NEK10: variants seen among roughly 807,000 people sequenced by gnomAD.
The protein encoded by NEK10 is NIMA related kinase 10.
In NEK10, 122 loss-of-function variants were observed where a neutral mutation model predicts 159.8. The observed-to-expected ratio is 0.76, with a 90% CI of 0.66 to 0.89. The LOEUF (loss-of-function observed/expected upper bound fraction) is 0.89, where lower values mean the gene tolerates loss of function less well. NEK10 is among the 40% of genes least tolerant of loss of function. NEK10 has a pLI of 0.00. For missense variants in NEK10, 1,342 were observed against 1,323.1 expected (o/e 1.01, Z -0.22); for synonymous variants, 466 against 457.1 (o/e 1.02, Z -0.25).
chr3:27,257,794 T>TC (rs1317251732), intron 22 of NEK10, among the ~76,000 whole-genome samples: 1 of 104,764 alleles, frequency 9.5e-6, no homozygotes, highest in African/African-American at 3.1e-5. Flanking sequence ...TTTTCTTTTT[T>TC]TTTTTTTTTT....
intron 22 of NEK10, among the ~76,000 whole-genome samples, chr3:27,262,034 T>G (rs1404555384): frequency 6.6e-6 from 1 of 152,182 alleles, no homozygotes; most frequent in Non-Finnish European, 1.5e-5. Flanking sequence ...TATCAGAGAC[T>G]AGGATTGCAA....
chr3:27,192,389 C>A (rs1949197160), intron 25 of NEK10, 147 bp from the exon 26 acceptor site: 1 of 639,072 alleles, frequency 1.6e-6, no homozygotes, highest in South Asian at 1.9e-5. Context: ...TCAAGCACAG[C>A]TTTGAGTCCA....
intron 26 of NEK10, among the ~76,000 whole-genome samples, chr3:27,180,491 G>A (rs1947972487): frequency 6.6e-6 from 1 of 152,024 alleles, no homozygotes; most frequent in Non-Finnish European, 1.5e-5. Flanking sequence ...GAACAATCAA[G>A]TGGGCAAGTT....
intron 1 of NEK10, among the ~76,000 whole-genome samples, chr3:27,353,887 C>A (rs751378244): frequency 2.6e-5 from 4 of 151,988 alleles, no homozygotes; most frequent in African/African-American, 7.3e-5. Context: ...GATTTAGCAT[C>A]TATTTTTACT....
At chr3:27,141,451 T>C (rs2125579568) in intron 31 of NEK10, 31 bp downstream of exon 31, 1 of 1,508,512 alleles carries the variant, frequency 6.6e-7, no homozygotes, top group Non-Finnish European at 9.1e-7. Flanking sequence ...GCATTTAAGA[T>C]GAAAAGGAAA....
chr3:27,184,215 G>T (rs1049265568), intron 26 of NEK10, among the ~76,000 whole-genome samples: 1 of 152,090 alleles, frequency 6.6e-6, no homozygotes, highest in Non-Finnish European at 1.5e-5. Context: ...ACAAATTACG[G>T]TGTAGTCATA....
chr3:27,182,299 C>T (rs1208592409), intron 26 of NEK10, among the ~76,000 whole-genome samples: 2 of 152,060 alleles, frequency 1.3e-5, no homozygotes, highest in Non-Finnish European at 2.9e-5. Flanking sequence ...AGCCATTCCA[C>T]AATGTATATA....
At chr3:27,176,634 C>G (rs200808538) in intron 26 of NEK10, among the ~76,000 whole-genome samples, 43 of 152,324 alleles carry the variant, frequency 2.8e-4, no homozygotes, top group South Asian at 1.2e-3. Flanking sequence ...CCTTCTTCCT[C>G]TAACTATCCT....
intron 32 of NEK10, among the ~76,000 whole-genome samples, chr3:27,130,049 T>C (rs1942429572): frequency 6.6e-6 from 1 of 152,126 alleles, no homozygotes; most frequent in Non-Finnish European, 1.5e-5. Context: ...CATGGGGAGA[T>C]GGCGCAAGCC....
At chr3:27,203,834 G>T (rs1270398504) in intron 23 of NEK10, among the ~76,000 whole-genome samples, 1 of 152,164 alleles carries the variant, frequency 6.6e-6, no homozygotes, top group Non-Finnish European at 1.5e-5. Context: ...TATTTGCAAA[G>T]AAAAGTATGA....
At chr3:27,208,109 C>T (rs1950676304) in intron 23 of NEK10, among the ~76,000 whole-genome samples, 1 of 152,014 alleles carries the variant, frequency 6.6e-6, no homozygotes, top group South Asian at 2.1e-4. Flanking sequence ...TTTATGGTTG[C>T]TGAAGGTTGG....
intron 1 of NEK10, among the ~76,000 whole-genome samples, chr3:27,365,749 A>G (rs1225944347): frequency 6.6e-6 from 1 of 150,680 alleles, no homozygotes. Flanking sequence ...AGTAGCTGGG[A>G]TTACCAGCAC....
intron 20 of NEK10, among the ~76,000 whole-genome samples, chr3:27,287,112 A>C (rs2042673735): frequency 7.1e-6 from 1 of 141,374 alleles, no homozygotes; most frequent in Admixed American, 7.2e-5. Context: ...CAATACTTGT[A>C]TTATTTCTGT....
chr3:27,318,098 C>T (rs1478620347), intron 6 of NEK10, among the ~76,000 whole-genome samples: 1 of 152,194 alleles, frequency 6.6e-6, no homozygotes, highest in Non-Finnish European at 1.5e-5. Context: ...CCACCGCGCC[C>T]AGCCAAAGTT....
intron 5 of NEK10, among the ~76,000 whole-genome samples, chr3:27,343,724 T>G (rs1344697520): frequency 3.3e-5 from 5 of 152,160 alleles, no homozygotes; most frequent in Admixed American, 1.3e-4. Flanking sequence ...CTGATATTTG[T>G]GAGAGAGAAT....
At chr3:27,193,780 C>T (rs1420748716) in intron 25 of NEK10, among the ~76,000 whole-genome samples, 3 of 151,814 alleles carry the variant, frequency 2.0e-5, no homozygotes, top group Non-Finnish European at 4.4e-5. Flanking sequence ...CTTTTTGCAC[C>T]ATTTGCACTT....
At chr3:27,311,062 G>A (rs116550070) in intron 8 of NEK10, 46 bp from the exon 9 acceptor site, 3 of 1,213,980 alleles carry the variant, frequency 2.5e-6, no homozygotes, top group African/African-American at 3.0e-5. Flanking sequence ...GAGATTAAAG[G>A]GGGAGTACTT....
intron 22 of NEK10, among the ~76,000 whole-genome samples, chr3:27,268,747 G>C (rs984416200): frequency 6.6e-6 from 1 of 152,156 alleles, no homozygotes; most frequent in African/African-American, 2.4e-5. Context: ...CCATTCTGTA[G>C]TCCATAGATC....
At chr3:27,227,857 C>G (rs994150334) in intron 23 of NEK10, among the ~76,000 whole-genome samples, 2 of 152,172 alleles carry the variant, frequency 1.3e-5, no homozygotes, top group African/African-American at 4.8e-5. Flanking sequence ...GCCTATAGCC[C>G]TTGGCCACTC....
Sources: allele counts gnomAD v4.1 joint callset (sites outside exome capture counted in the v4.1 genomes callset), GRCh38; gene constraint gnomAD v4.1.1; transcripts MANE v1.5; gene names NCBI Gene and HGNC (gene_info 2026-07-23, HGNC 2026-07-21).